Variants in CPNE4 observed in about 807,000 individuals in gnomAD.
The protein encoded by CPNE4 is copine 4.
CPNE4 carries 25 observed loss-of-function variants against 67.9 expected under a neutral mutation model. The ratio of observed to expected loss-of-function variants is 0.37; its 90% confidence interval spans 0.27 to 0.51. The LOEUF (loss-of-function observed/expected upper bound fraction) is 0.51, where lower values mean the gene tolerates loss of function less well. Among genes scored for constraint, CPNE4 ranks in the 20% least tolerant of loss-of-function variants. The pLI, the probability that CPNE4 is intolerant of heterozygous loss-of-function variation, is 0.93. For missense variants in CPNE4, 464 were observed against 690.8 expected (o/e 0.67, Z 3.68); for synonymous variants, 242 against 244.9 (o/e 0.99, Z 0.11).
At chr3:131,720,536 G>A (rs562944779) in intron 3 of CPNE4, among the ~76,000 whole-genome samples, 9 of 152,158 alleles carry the variant, frequency 5.9e-5, no homozygotes, top group South Asian at 2.1e-4. Flanking sequence ...CGCCTGCCTC[G>A]GCTTCCCAAA....
At chr3:131,806,819 T>C (rs2084333400) in intron 2 of CPNE4, among the ~76,000 whole-genome samples, 1 of 152,200 alleles carries the variant, frequency 6.6e-6, no homozygotes, top group African/African-American at 2.4e-5. Flanking sequence ...GAAGAATGAA[T>C]GTCACAAAAG....
chr3:131,555,138 T>G lies in CPNE4; in HGVS notation c.1116+359A>C, dbSNP rs374696121. Among the ~76,000 whole-genome samples, 18 of 152,148 alleles carry G rather than the reference T, an allele frequency of 1.2e-4. No individual in the cohort carries two copies. The South Asian group carries it at 3.7e-3, about 32-fold the overall frequency. ...ACTCCATTGTCACGGACTTTCCCAGTTGGCATTGCCAATAGAATTCTATTT... is the reference window on the plus strand; with the variant it reads ...ACTCCATTGTCACGGACTTTCCCAGGTGGCATTGCCAATAGAATTCTATTT... On this transcript the variant is annotated intron_variant, in intron 12 of 15. Coordinates refer to ENST00000429747, the MANE Select transcript of CPNE4 (RefSeq NM_130808.3).
chr3:131,841,590 T>C (rs1020974563), intron 2 of CPNE4, among the ~76,000 whole-genome samples: 2 of 152,232 alleles, frequency 1.3e-5, no homozygotes, highest in South Asian at 4.1e-4. Flanking sequence ...GATCTGAGTC[T>C]GAAGTGGAAC....
intron 7 of CPNE4, among the ~76,000 whole-genome samples, chr3:131,591,056 A>G (rs2107707245): frequency 6.6e-6 from 1 of 152,314 alleles, no homozygotes; most frequent in Non-Finnish European, 1.5e-5. Flanking sequence ...ATCTGCTGTT[A>G]CAATCAGATA....
chr3:131,715,665 A>G (rs1182057150), intron 3 of CPNE4, among the ~76,000 whole-genome samples: 1 of 152,222 alleles, frequency 6.6e-6, no homozygotes, highest in African/African-American at 2.4e-5. Flanking sequence ...AAGTGCCTGG[A>G]GTTTAAAAAT....
intron 2 of CPNE4, among the ~76,000 whole-genome samples, chr3:131,783,731 C>T (rs911943046): frequency 6.6e-6 from 1 of 152,044 alleles, no homozygotes; most frequent in Non-Finnish European, 1.5e-5. Context: ...AAAAACTGTG[C>T]TCTTAAACCT....
At chr3:131,973,979 C>T (rs1218638669) in intron 1 of CPNE4, among the ~76,000 whole-genome samples, 3 of 152,176 alleles carry the variant, frequency 2.0e-5, no homozygotes, top group Non-Finnish European at 4.4e-5. Flanking sequence ...TCCCAAACTG[C>T]AGTCCCAGAC....
intron 4 of CPNE4, among the ~76,000 whole-genome samples, chr3:131,699,186 C>A (rs1433870309): frequency 6.6e-6 from 1 of 152,094 alleles, no homozygotes; most frequent in Non-Finnish European, 1.5e-5. Context: ...AAAATGTAAG[C>A]TCTTATTTAG....
chr3:131,841,371 C>A (rs1277653490), intron 2 of CPNE4, among the ~76,000 whole-genome samples: 4 of 152,166 alleles, frequency 2.6e-5, no homozygotes, highest in Admixed American at 6.5e-5. Flanking sequence ...ACACAGGGGT[C>A]CCCAACCCCT....
In CPNE4 at chr3:131,964,322, AT is replaced by A. The variant is rs954318698; in HGVS notation, c.-1-58879del. Among the ~76,000 whole-genome samples, 4 of 152,060 alleles carry A rather than the reference AT, an allele frequency of 2.6e-5. 1 individual carries two copies. Among genetic ancestry groups the A allele is most frequent in the Admixed American group, 2.0e-4 (3 of 15,280 alleles). On this transcript the variant is annotated intron_variant, in intron 1 of 15. Transcript: ENST00000429747. ...AACCAGAATGCCTTATCTCCTCCAA[AT>A]GATCGCAACTCCTCTCCAGCAAGGG...
chr3:131,746,603 T>C (rs1360832767), intron 2 of CPNE4, among the ~76,000 whole-genome samples: 2 of 152,152 alleles, frequency 1.3e-5, no homozygotes, highest in Non-Finnish European at 1.5e-5. Flanking sequence ...TGACAGAAAT[T>C]CATTCTTTTT....
chr3:131,782,028 G>A (rs912888574), intron 2 of CPNE4, among the ~76,000 whole-genome samples: 1 of 152,024 alleles, frequency 6.6e-6, no homozygotes, highest in African/African-American at 2.4e-5. Flanking sequence ...GTGAGAATAT[G>A]AGATAATTAA....
At chr3:132,022,022 T>C (rs918595741) in intron 1 of CPNE4, among the ~76,000 whole-genome samples, 3 of 152,178 alleles carry the variant, frequency 2.0e-5, no homozygotes, top group Admixed American at 6.5e-5. Flanking sequence ...ATTAGGCAGG[T>C]CCCTATTATT....
At chr3:131,658,472 G>T (rs1350853004) in intron 7 of CPNE4, among the ~76,000 whole-genome samples, 1 of 152,146 alleles carries the variant, frequency 6.6e-6, no homozygotes, top group Non-Finnish European at 1.5e-5. Context: ...ATGAGCTCAT[G>T]TTCCCAAGAA....
intron 2 of CPNE4, among the ~76,000 whole-genome samples, chr3:131,870,462 G>C (rs989815606): frequency 1.3e-5 from 2 of 152,108 alleles, no homozygotes; most frequent in African/African-American, 4.8e-5. Context: ...AAGACAAGTG[G>C]TTACAATTTT....
intron 2 of CPNE4, among the ~76,000 whole-genome samples, chr3:131,774,017 C>A (rs907307438): frequency 1.3e-5 from 2 of 152,058 alleles, no homozygotes; most frequent in African/African-American, 2.4e-5. Context: ...ATCTTTGTGC[C>A]TAATGTTTTA....
At chr3:131,928,078 T>C (rs1044347926) in intron 1 of CPNE4, among the ~76,000 whole-genome samples, 1 of 152,156 alleles carries the variant, frequency 6.6e-6, no homozygotes, top group Non-Finnish European at 1.5e-5. Flanking sequence ...TTTGGTATTT[T>C]CTAAGTTGTA....
intron 2 of CPNE4, among the ~76,000 whole-genome samples, chr3:131,801,444 G>GTATATATATATATATA (rs1479645211): frequency 2.4e-5 from 2 of 85,040 alleles, no homozygotes; most frequent in Admixed American, 1.1e-4. Flanking sequence ...GTGTGTGTGT[G>GTATATATATATATATA]TGTGTGTGTA....
At chr3:132,011,293 G>A (rs1264318788) in intron 1 of CPNE4, among the ~76,000 whole-genome samples, 2 of 152,188 alleles carry the variant, frequency 1.3e-5, no homozygotes, top group Non-Finnish European at 2.9e-5. Flanking sequence ...GGATCAGATT[G>A]ACAACCTCTT....
Sources: gnomAD v4.1 joint callset for allele counts (sites outside exome capture counted in the v4.1 genomes callset) on GRCh38, gnomAD v4.1.1 for gene constraint, MANE v1.5 for transcripts, NCBI Gene and HGNC (gene_info 2026-07-23, HGNC 2026-07-21) for gene names.